The following PHF8 variants were observed in gnomAD, a reference collection of about 807,000 sequenced individuals.
PHF8 encodes the protein PHD finger protein 8, also known as histone lysine demethylase PHF8.
A neutral mutation model predicts 74.4 loss-of-function variants in PHF8; 9 were observed. That is an observed-to-expected ratio of 0.12 (90% CI 0.07 to 0.21). PHF8 has a LOEUF of 0.21. PHF8 is among the 10% of genes least tolerant of loss of function. PHF8 has a pLI of 1.00. For missense variants in PHF8, 478 were observed against 816.6 expected (o/e 0.59, Z 5.05); for synonymous variants, 311 against 316.6 (o/e 0.98, Z 0.19).
intron 19 of PHF8, among the ~76,000 whole-genome samples, chrX:53,948,172 T>G (rs1178648711): frequency 1.8e-5 from 2 of 112,326 alleles, no homozygotes; most frequent in Non-Finnish European, 3.8e-5. Context: ...ATATTTTGTG[T>G]AAACAGTTGG....
At chrX:54,012,723 C>T (rs1444275576) in intron 7 of PHF8, among the ~76,000 whole-genome samples, 2 of 110,926 alleles carry the variant, frequency 1.8e-5, no homozygotes, top group Non-Finnish European at 3.8e-5. Flanking sequence ...ACTGCTGGAG[C>T]TCAGGAGTTT....
intron 2 of PHF8, among the ~76,000 whole-genome samples, chrX:54,029,739 A>C (rs2066323560): frequency 3.6e-5 from 4 of 112,060 alleles, no homozygotes; most frequent in African/African-American, 9.7e-5. Flanking sequence ...CAGCTAGCCA[A>C]GAACCTGTTC....
At chrX:54,043,102 A>G (rs782493145) in intron 1 of PHF8, 647 of 839,284 alleles carry the variant, frequency 7.7e-4, no homozygotes, top group South Asian at 2.1e-3. Flanking sequence ...CCGGGTTTCA[A>G]GAAAATACCT....
At chrX:53,990,634 C>G (rs1180885354) in intron 14 of PHF8, among the ~76,000 whole-genome samples, 1 of 111,609 alleles carries the variant, frequency 9.0e-6, no homozygotes, top group Non-Finnish European at 1.9e-5. Context: ...CTTTCAGAAT[C>G]TGCCCTACTC....
intron 19 of PHF8, among the ~76,000 whole-genome samples, chrX:53,957,220 G>A (rs1168211293): frequency 9.1e-6 from 1 of 109,863 alleles, no homozygotes; most frequent in Non-Finnish European, 1.9e-5. Flanking sequence ...GCTGGGTGCG[G>A]TGGTGCGTGC....
rs782123346 is a variant in PHF8, at chrX:53,939,122, G to A, written c.*36C>T. ...AAGAGTTGACAATGGAGAAGGCAATGGGGGTAAAGGGGTGAGGGGTGGGAC... is the reference window on the plus strand; with the variant it reads ...AAGAGTTGACAATGGAGAAGGCAATAGGGGTAAAGGGGTGAGGGGTGGGAC... On this transcript the variant is annotated 3_prime_UTR_variant, in exon 22 of 22. Coordinates refer to ENST00000338154, the MANE Select transcript of PHF8 (RefSeq NM_015107.3). 5.5e-5 allele frequency: 66 copies of A among 1,204,424 alleles called. No homozygotes were observed. The highest frequency in any genetic ancestry group is 7.4e-5 in the Non-Finnish European group (66 of 891,020).
intron 2 of PHF8, among the ~76,000 whole-genome samples, chrX:54,028,001 C>T (rs1398428437): frequency 9.1e-6 from 1 of 110,101 alleles, no homozygotes; most frequent in Admixed American, 9.7e-5. Context: ...CACACACACA[C>T]ACACACACAC....
At chrX:54,008,324 G>A (rs1332686201) in intron 8 of PHF8, among the ~76,000 whole-genome samples, 6 of 96,724 alleles carry the variant, frequency 6.2e-5, no homozygotes, top group African/African-American at 2.4e-4. Flanking sequence ...TGGAGATCGC[G>A]CCACTGCACC....
In PHF8 at chrX:53,939,259, G is replaced by A. The variant is rs1557082699; in HGVS notation, c.2987-13C>T. The A allele has an allele frequency of 8.4e-7, 1 of 1,195,148 alleles. No homozygotes were observed. The highest frequency in any genetic ancestry group is 1.1e-6 in the Non-Finnish European group (1 of 882,150). On this transcript the variant is annotated splice_polypyrimidine_tract_variant and intron_variant, in intron 21 of 21. Coordinates refer to ENST00000338154, the MANE Select transcript of PHF8 (RefSeq NM_015107.3). ...TTGGGACGCTTTCCTGTGGGGGAAGGGAAAAGTAAGCAAGGGCTTTGGCAA... is the reference window on the plus strand; with the variant it reads ...TTGGGACGCTTTCCTGTGGGGGAAGAGAAAAGTAAGCAAGGGCTTTGGCAA...
chrX:53,985,663 C>T, intron 17 of PHF8, 153 bp downstream of exon 17: 3 of 983,738 alleles, frequency 3.0e-6, no homozygotes, highest in Non-Finnish European at 2.8e-6. Flanking sequence ...GGTTTCATGC[C>T]TACTTTATTC....
chrX:53,979,101 C>G (rs2065435814), intron 18 of PHF8, among the ~76,000 whole-genome samples: 5 of 111,974 alleles, frequency 4.5e-5, no homozygotes, highest in Admixed American at 2.9e-4. Context: ...AAATTTCAGG[C>G]CAGGCACAGT....
intron 18 of PHF8, among the ~76,000 whole-genome samples, chrX:53,978,356 C>T (rs1349965368): frequency 8.9e-6 from 1 of 111,890 alleles, no homozygotes; most frequent in Non-Finnish European, 1.9e-5. Flanking sequence ...GAACCTATAC[C>T]TGAATGTTCA....
intron 10 of PHF8, 41 bp from the exon 11 acceptor site, chrX:54,000,002 T>C (rs782546731): frequency 2.4e-5 from 21 of 881,884 alleles, no homozygotes; most frequent in Admixed American, 4.5e-5. Context: ...AACAAAGCCA[T>C]GCAGGAAAGT....
chrX:54,027,778 G>T (rs1266533683), intron 2 of PHF8, among the ~76,000 whole-genome samples: 1 of 110,926 alleles, frequency 9.0e-6, no homozygotes, highest in African/African-American at 3.3e-5. Context: ...CTAGGTGCTG[G>T]TGAGACGAAG....
In PHF8 at chrX:53,938,029, T is replaced by C; in HGVS notation, c.*1129A>G. 8.6e-7 allele frequency: 1 copy of C among 1,165,572 alleles called. No individual in the cohort carries two copies. Among genetic ancestry groups the C allele is most frequent in the Non-Finnish European group, 1.1e-6 (1 of 872,347 alleles). ...TCAACTTGGGCTCGTGAATGGCCTG[T>C]CTGCATTCTGCTTGAACGATGACCT... On this transcript the variant is annotated 3_prime_UTR_variant, in exon 22 of 22. Transcript: ENST00000338154.
At chrX:54,036,571 CA>C (rs1160936317) in intron 2 of PHF8, among the ~76,000 whole-genome samples, 292 of 6,132 alleles carry the variant, frequency 0.048, 1 homozygote, top group African/African-American at 0.1. Flanking sequence ...GACACTGTCT[CA>C]AAAAAAAAAA....
chrX:54,037,542 T>C (rs1198695566), intron 2 of PHF8, among the ~76,000 whole-genome samples: 1 of 112,251 alleles, frequency 8.9e-6, no homozygotes, highest in Non-Finnish European at 1.9e-5. Flanking sequence ...TGACATCACA[T>C]GCCCAGCCTG....
At chrX:53,982,204 T>G in intron 18 of PHF8, among the ~76,000 whole-genome samples, 1 of 112,127 alleles carries the variant, frequency 8.9e-6, no homozygotes, top group African/African-American at 3.2e-5. Flanking sequence ...ACCTGGCATG[T>G]CCCTAAAACA....
chrX:54,036,176 C>G (rs1421528594), intron 2 of PHF8, among the ~76,000 whole-genome samples: 1 of 107,974 alleles, frequency 9.3e-6, no homozygotes, highest in Admixed American at 9.9e-5. Context: ...ACACCATTAA[C>G]CAACAGTAGT....
Sources: gnomAD v4.1 joint callset for allele counts (sites outside exome capture counted in the v4.1 genomes callset) on GRCh38, gnomAD v4.1.1 for gene constraint, MANE v1.5 for transcripts, NCBI Gene and HGNC (gene_info 2026-07-23, HGNC 2026-07-21) for gene names.